ENPP3: variants seen among roughly 807,000 people sequenced by gnomAD.
The protein encoded by ENPP3 is ectonucleotide pyrophosphatase/phosphodiesterase family member 3.
A neutral mutation model predicts 117.8 loss-of-function variants in ENPP3; 104 were observed. The ratio of observed to expected loss-of-function variants is 0.88; its 90% CI spans 0.75 to 1.04. The LOEUF is 1.04. Ranked by LOEUF, ENPP3 falls within the 50% of genes least tolerant of loss-of-function variation. The probability of loss-of-function intolerance (pLI) is 0.00; values close to 1 mark genes in which losing one functional copy is unlikely to be tolerated. For missense variants in ENPP3, 1,026 were observed against 1,051.9 expected, an observed-to-expected ratio of 0.98 and a Z score of 0.34; for synonymous variants, 380 against 349.9, an observed-to-expected ratio of 1.09 and a Z score of -0.96.
At chr6:131,738,248 A>G (rs950514405) in intron 23 of ENPP3, 85 bp downstream of exon 23, 2 of 1,024,570 alleles carry the variant, frequency 2.0e-6, no homozygotes. Context: ...TATTTTAAAT[A>G]TTACATAATA....
At chr6:131,664,812 G>A (rs2114355587) in intron 6 of ENPP3, among the ~76,000 whole-genome samples, 1 of 152,286 alleles carries the variant, frequency 6.6e-6, no homozygotes, top group Non-Finnish European at 1.5e-5. Flanking sequence ...TGCACAGTAG[G>A]CTTTACCATC....
At chr6:131,718,187 T>G (rs1292188171) in intron 15 of ENPP3, among the ~76,000 whole-genome samples, 3 of 152,224 alleles carry the variant, frequency 2.0e-5, no homozygotes, top group Non-Finnish European at 4.4e-5. Context: ...ACATCTTCAC[T>G]GGAAAACAGA....
chr6:131,657,226 T>C (rs968520237), intron 5 of ENPP3, among the ~76,000 whole-genome samples: 2 of 152,126 alleles, frequency 1.3e-5, no homozygotes, highest in Non-Finnish European at 2.9e-5. Flanking sequence ...TATGAAATGG[T>C]CCTATCTTAA....
intron 24 of ENPP3, 32 bp downstream of exon 24, chr6:131,740,412 AG>A: frequency 6.8e-7 from 1 of 1,466,670 alleles, no homozygotes; most frequent in Non-Finnish European, 9.1e-7. Flanking sequence ...CCAGGACCCG[AG>A]AAAATGAGTC....
At chr6:131,737,934 G>A (rs9483335) in intron 22 of ENPP3, 97 bp from the exon 23 acceptor site, 72,391 of 864,574 alleles carry the variant, frequency 0.084, 5,455 homozygotes, top group East Asian at 0.32. Context: ...TATTAAGGCA[G>A]AATTTCATGT....
At position 131,637,549 on chromosome 6, in the gene ENPP3, C is replaced by T. The variant is rs1777952756; in HGVS notation, c.78+87C>T. 19 of 719,806 alleles carry T rather than the reference C, an allele frequency of 2.6e-5. No individual in the cohort carries two copies. In the South Asian group the frequency reaches 4.2e-4, roughly 16 times the overall value. The allele number at this position is 719,806 out of a possible 1,614,324, so 44.6% of individuals were successfully genotyped here. On this transcript the variant is annotated intron_variant, in intron 1 of 24. Transcript: ENST00000357639. ...TTCCCATTTACATTTCTTTGTGTTG[C>T]TATTAAAATGTAAACTTTTAAGTAA... is the stretch of plus-strand genomic sequence containing the variant.
chr6:131,708,884 C>A, intron 15 of ENPP3: 2 of 1,608,518 alleles, frequency 1.2e-6, no homozygotes, highest in Non-Finnish European at 1.7e-6. Flanking sequence ...ATGAATGGGC[C>A]CCTTGTATCC....
chr6:131,654,361 G>A (rs972081940), intron 5 of ENPP3, among the ~76,000 whole-genome samples: 5 of 141,986 alleles, frequency 3.5e-5, no homozygotes, highest in African/African-American at 8.0e-5. Context: ...GACTGGACTC[G>A]AACTCCTGAA....
At chr6:131,665,796 A>C (rs1314028587) in intron 6 of ENPP3, among the ~76,000 whole-genome samples, 1 of 151,834 alleles carries the variant, frequency 6.6e-6, no homozygotes, top group Admixed American at 6.6e-5. Context: ...CTGTTCCTTA[A>C]GGTGCAAAAT....
intron 14 of ENPP3, among the ~76,000 whole-genome samples, chr6:131,690,948 C>T (rs1428622987): frequency 6.6e-6 from 1 of 151,958 alleles, no homozygotes; most frequent in Non-Finnish European, 1.5e-5. Flanking sequence ...GTTTTGTCAC[C>T]TCATGATCCC....
At chr6:131,669,128 C>T (rs1778685017) in intron 6 of ENPP3, among the ~76,000 whole-genome samples, 1 of 152,106 alleles carries the variant, frequency 6.6e-6, no homozygotes, top group Non-Finnish European at 1.5e-5. Context: ...TGTATCTGTT[C>T]ATTGTATGAA....
rs779546528 is a variant in ENPP3 at position 131,644,847 on chromosome 6, A to G, written c.154+3317A>G. On this transcript the variant is annotated intron_variant, in intron 2 of 24. Transcript: ENST00000357639. ...AGGGGAAAAGCAAAGAAAACTAGGAAGGAGTAGCCAGGAATGTGAGAGGAA... is the reference window on the plus strand; with the variant it reads ...AGGGGAAAAGCAAAGAAAACTAGGAGGGAGTAGCCAGGAATGTGAGAGGAA... Among the ~76,000 whole-genome samples, 199 of 152,324 alleles carry G rather than the reference A, an allele frequency of 1.3e-3. 1 individual carries two copies. The highest frequency in any genetic ancestry group is 3.4e-3 in the Middle Eastern group (1 of 294).
intron 20 of ENPP3, among the ~76,000 whole-genome samples, chr6:131,732,187 T>C (rs974904513): frequency 9.9e-5 from 15 of 152,216 alleles, no homozygotes; most frequent in Non-Finnish European, 1.9e-4. Flanking sequence ...TTTCAAATTT[T>C]ATTAAGAAAG....
chr6:131,741,888 A>G (rs1248138375), intron 24 of ENPP3, among the ~76,000 whole-genome samples: 3 of 152,176 alleles, frequency 2.0e-5, no homozygotes, highest in African/African-American at 7.2e-5. Flanking sequence ...CAGGTGTTCA[A>G]TGCATGAGTG....
Position 131,718,748 on chromosome 6 carries a change from T to C in ENPP3, c.1479+10T>C, listed in dbSNP as rs404179. On this transcript the variant is annotated intron_variant, in intron 16 of 24. Coordinates refer to ENST00000357639, the MANE Select transcript of ENPP3 (RefSeq NM_005021.5). The stretch of plus-strand genomic sequence containing the variant: ...GTTTAGGAGCATGGAGGTAACTTAC[T>C]GCTTTTTTTTTTAACTTTTATTTTA... 4 of 1,573,102 alleles carry C rather than the reference T, an allele frequency of 2.5e-6. No individual in the cohort carries two copies. Among genetic ancestry groups the C allele is most frequent in the Non-Finnish European group, 3.5e-6 (4 of 1,152,412 alleles).
intron 6 of ENPP3, among the ~76,000 whole-genome samples, chr6:131,668,882 C>G (rs1778679946): frequency 6.6e-6 from 1 of 152,192 alleles, no homozygotes; most frequent in Non-Finnish European, 1.5e-5. Flanking sequence ...TGGTAGAAGA[C>G]TGTGCTTTCT....
intron 10 of ENPP3, 94 bp from the exon 11 acceptor site, chr6:131,677,774 T>C (rs1562445509): frequency 5.1e-6 from 4 of 787,140 alleles, no homozygotes; most frequent in South Asian, 4.9e-5. Context: ...GAAAAGGCAA[T>C]GGCTAGCAAG....
In ENPP3 at chr6:131,738,011, C is replaced by G; in HGVS notation, c.2168-20C>G. ...TTCACTGAAGTGGACATTTTAAACA[C>G]TTTATGATTTTATTTTTAGAAATGT... On this transcript the variant is annotated intron_variant, in intron 22 of 24. Coordinates refer to ENST00000357639, the MANE Select transcript of ENPP3 (RefSeq NM_005021.5). 2 of 1,559,468 alleles carry G rather than the reference C, an allele frequency of 1.3e-6. No individual in the cohort carries two copies. Among genetic ancestry groups the G allele is most frequent in the Non-Finnish European group, 1.7e-6 (2 of 1,144,188 alleles).
intron 14 of ENPP3, among the ~76,000 whole-genome samples, chr6:131,690,516 A>G (rs1329225806): frequency 6.6e-6 from 1 of 152,242 alleles, no homozygotes; most frequent in East Asian, 1.9e-4. Flanking sequence ...CACACTTAAA[A>G]GATTACAGTA....
Sources: allele counts gnomAD v4.1 joint callset (sites outside exome capture counted in the v4.1 genomes callset), GRCh38; gene constraint gnomAD v4.1.1; transcripts MANE v1.5; gene names NCBI Gene and HGNC (gene_info 2026-07-23, HGNC 2026-07-21).